The following SLC2A11 variants were observed in gnomAD, a reference collection of about 807,000 sequenced individuals.
SLC2A11 encodes solute carrier family 2 member 11, also known as solute carrier family 2, facilitated glucose transporter member 11.
SLC2A11 carries 43 observed loss-of-function variants against 52.1 expected under a neutral mutation model. The observed-to-expected ratio is 0.82, with a 90% CI of 0.65 to 1.06. The LOEUF (loss-of-function observed/expected upper bound fraction) is 1.06. SLC2A11 is among the 50% of genes least tolerant of loss of function. The probability of loss-of-function intolerance (pLI) is 0.00; values close to 1 mark genes in which losing one functional copy is unlikely to be tolerated. For missense variants in SLC2A11, 582 were observed against 654.2 expected (o/e 0.89, Z 1.20); for synonymous variants, 261 against 277.6 (o/e 0.94, Z 0.59).
At chr22:23,878,316 T>C (rs569301026) in intron 6 of SLC2A11, among the ~76,000 whole-genome samples, 1 of 151,022 alleles carries the variant, frequency 6.6e-6, no homozygotes, top group South Asian at 2.1e-4. Context: ...GCTGCACAGC[T>C]CTGCTGATCT....
At chr22:23,861,773 G>T (rs532463377) in intron 1 of SLC2A11, among the ~76,000 whole-genome samples, 1 of 152,286 alleles carries the variant, frequency 6.6e-6, no homozygotes, top group African/African-American at 2.4e-5. Flanking sequence ...CCAGCTCAGG[G>T]GACTGTCTTC....
upstream of SLC2A11, chr22:23,857,526 A>T (rs1324822400): frequency 6.2e-7 from 1 of 1,612,596 alleles, no homozygotes; most frequent in Non-Finnish European, 8.5e-7. Context: ...ACGGCCTCGG[A>T]CGCAGGTGAG....
At chr22:23,859,585 G>A (rs991288893) in intron 1 of SLC2A11, among the ~76,000 whole-genome samples, 1 of 152,016 alleles carries the variant, frequency 6.6e-6, no homozygotes, top group Admixed American at 6.6e-5. Flanking sequence ...CCTCCCTCCC[G>A]GATTCAAGCA....
chr22:23,859,778 G>A (rs2031985576), intron 1 of SLC2A11, among the ~76,000 whole-genome samples: 1 of 152,162 alleles, frequency 6.6e-6, no homozygotes, highest in African/African-American at 2.4e-5. Flanking sequence ...TGTGGGCCAC[G>A]ACATCCGGCC....
chr22:23,858,562 A>T (rs1461570792), intron 1 of SLC2A11, among the ~76,000 whole-genome samples: 1 of 152,150 alleles, frequency 6.6e-6, no homozygotes, highest in East Asian at 1.9e-4. Context: ...CTTGATTTGC[A>T]CTTGTATTCC....
intron 6 of SLC2A11, chr22:23,879,353 C>G (rs1311922668): frequency 1.3e-5 from 2 of 152,160 alleles, no homozygotes; most frequent in African/African-American, 4.8e-5. Context: ...CCTCCCAGGC[C>G]CAATCAATTC....
Position 23,882,641 on chromosome 22 carries a change from G to T in SLC2A11, c.877G>T (p.Asp293Tyr), listed in dbSNP as rs1601515177. Residue 293 changes from aspartate (D) to tyrosine (Y), a missense_variant, in exon 7 of 12, where the codon GAC (aspartate) becomes TAC (tyrosine). Transcript: ENST00000316185. Reference protein sequence around the residue: ...LGSAMELCGNDSVYAYASSVF... With the variant: ...LGSAMELCGNYSVYAYASSVF... ...CAGTGCCATGGAGCTCTGCGGGAATGACTCGGTGAGACCCCTGCCCCGCCG... is the reference window on the plus strand; with the variant it reads ...CAGTGCCATGGAGCTCTGCGGGAATTACTCGGTGAGACCCCTGCCCCGCCG... 3 of 1,611,552 alleles carry T rather than the reference G, an allele frequency of 1.9e-6. No individual in the cohort carries two copies. Among genetic ancestry groups the T allele is most frequent in the South Asian group, 1.1e-5 (1 of 90,834 alleles).
chr22:23,879,409 C>T (rs2032728414), intron 6 of SLC2A11: 1 of 152,196 alleles, frequency 6.6e-6, no homozygotes, highest in Non-Finnish European at 1.5e-5. Context: ...GCCCGTGCCA[C>T]CACGCTTGGC....
chr22:23,878,128 G>A (rs1028283728), intron 6 of SLC2A11, among the ~76,000 whole-genome samples: 3 of 152,186 alleles, frequency 2.0e-5, no homozygotes, highest in African/African-American at 2.4e-5. Context: ...AAACACACGC[G>A]CACACACACG....
At chr22:23,868,439 C>G in intron 2 of SLC2A11, 42 bp from the exon 3 acceptor site, 9 of 1,608,488 alleles carry the variant, frequency 5.6e-6, no homozygotes, top group Non-Finnish European at 7.7e-6. Flanking sequence ...AGCACCCCCA[C>G]GCCACCATCC....
upstream of SLC2A11, chr22:23,857,061 AGT>A (rs764562970): frequency 8.2e-3 from 3,999 of 485,674 alleles, 23 homozygotes; most frequent in Non-Finnish European, 9.8e-3. Flanking sequence ...CCTGAACCAA[AGT>A]GTGTGTGTGT....
intron 4 of SLC2A11, 144 bp downstream of exon 4, chr22:23,875,385 G>T: frequency 2.9e-6 from 3 of 1,031,168 alleles, no homozygotes; most frequent in Non-Finnish European, 3.8e-6. Flanking sequence ...GTCACAAAAG[G>T]ATGTAGTATA....
At chr22:23,857,083 G>C (rs549734018), upstream of SLC2A11, 4 of 1,192,028 alleles carry the variant, frequency 3.4e-6, no homozygotes, top group Admixed American at 2.1e-5. Flanking sequence ...TGGGGGGGGG[G>C]GGGTGTAGGT....
chr22:23,864,868 G>C (rs528459619), intron 2 of SLC2A11, among the ~76,000 whole-genome samples: 2 of 152,032 alleles, frequency 1.3e-5, no homozygotes, highest in Non-Finnish European at 2.9e-5. Flanking sequence ...AGCACTTTGA[G>C]AGGCTGAGGC....
chr22:23,863,231 C>A (rs572254942), intron 2 of SLC2A11, among the ~76,000 whole-genome samples: 23 of 152,288 alleles, frequency 1.5e-4, no homozygotes, highest in African/African-American at 5.3e-4. Context: ...CAGATACCAC[C>A]ACCTTCTTGA....
At chr22:23,857,522 T>C (rs1448537340), upstream of SLC2A11, 1 of 1,612,704 alleles carries the variant, frequency 6.2e-7, no homozygotes, top group Admixed American at 1.7e-5. Flanking sequence ...CCTTACGGCC[T>C]CGGACGCAGG....
upstream of SLC2A11, chr22:23,857,085 GGTGT>G: frequency 9.4e-7 from 1 of 1,065,094 alleles, no homozygotes; most frequent in Non-Finnish European, 1.4e-6. Flanking sequence ...GGGGGGGGGG[GGTGT>G]AGGTGGGGCG....
At chr22:23,862,079 T>C (rs1181745540) in intron 1 of SLC2A11, 25 bp from the exon 2 acceptor site, 3 of 1,607,528 alleles carry the variant, frequency 1.9e-6, no homozygotes, top group Non-Finnish European at 2.6e-6. Context: ...TGTTGGTCAC[T>C]CTGTGTTCTC....
chr22:23,884,152 G>A lies in SLC2A11; in HGVS notation c.1171+128G>A. The A allele has an allele frequency of 1.3e-6, 2 of 1,483,884 alleles. No individual in the cohort carries two copies. Among genetic ancestry groups the A allele is most frequent in the Non-Finnish European group, 1.8e-6 (2 of 1,111,018 alleles). 91.9% of individuals were successfully genotyped at this position (1,483,884 alleles called of 1,614,324 possible). A position where few individuals can be genotyped will look rare whatever the true frequency, so the allele number is the denominator to read the frequency against. ...CCCTCAGAGACCACCTCATGCCGGG[G>A]CTTCTGGGAGGGAATGGCAGGAGGA... On this transcript the variant is annotated intron_variant, in intron 10 of 11. Transcript: ENST00000316185. The surrounding 1 kb of genome is among the most constrained non-coding windows in gnomAD (Gnocchi z 4.3).
Sources: allele counts gnomAD v4.1 joint callset (sites outside exome capture counted in the v4.1 genomes callset), GRCh38; gene constraint gnomAD v4.1.1; non-coding constraint Gnocchi (gnomAD v3.1); transcripts MANE v1.5; gene names NCBI Gene and HGNC (gene_info 2026-07-23, HGNC 2026-07-21).